Variants in GPR137B observed in about 807,000 individuals in gnomAD.
GPR137B encodes the protein G protein-coupled receptor 137B.
GPR137B carries 42 observed loss-of-function variants against 42.5 expected under a neutral mutation model. The observed-to-expected ratio is 0.99, with a 90% confidence interval of 0.77 to 1.28. GPR137B has a LOEUF of 1.28. Ranked by LOEUF, GPR137B falls within the 50% of genes most tolerant of loss-of-function variation. The pLI is 0.00. For synonymous variants in GPR137B, 218 were observed against 209.7 expected (o/e 1.04, Z -0.34); for missense variants, 487 against 493.9 (o/e 0.99, Z 0.13).
In GPR137B at chr1:236,143,075, G is replaced by A. The variant is rs371499552; in HGVS notation, c.414+39G>A. ...AGGCTCCTGGAGGCGCTCACCTGGC[G>A]GGGTGGTCCCCGCGGGGCGCCCGAG... is the stretch of plus-strand genomic sequence containing the variant. On this transcript the variant is annotated intron_variant, in intron 1 of 6. Coordinates refer to ENST00000366592, the MANE Select transcript of GPR137B (RefSeq NM_003272.4). The A allele has an allele frequency of 9.7e-6, 15 of 1,552,702 alleles. No homozygotes were observed. The African/African-American group carries it at 2.1e-4, about 21-fold the overall frequency.
intron 6 of GPR137B, among the ~76,000 whole-genome samples, chr1:236,205,540 C>T (rs919968546): frequency 1.3e-5 from 2 of 152,008 alleles, no homozygotes; most frequent in African/African-American, 4.8e-5. Flanking sequence ...AAATGATAAT[C>T]AACTTTTTTA....
intron 5 of GPR137B, among the ~76,000 whole-genome samples, chr1:236,190,519 C>G (rs1663163975): frequency 6.6e-6 from 1 of 152,152 alleles, no homozygotes; most frequent in Non-Finnish European, 1.5e-5. Context: ...TCTTGTAAGG[C>G]AGGCCTGGTG....
Position 236,205,582 on chromosome 1 carries a change from C to T in GPR137B, c.1091+332C>T, listed in dbSNP as rs558845226. Reference sequence around the variant, plus strand: ...GGAGATAGGGTCTCACTCTGTTGCCCGGCTGGAGTGCAGAGTGGTGCAATC... The same window carrying T: ...GGAGATAGGGTCTCACTCTGTTGCCTGGCTGGAGTGCAGAGTGGTGCAATC... On this transcript the variant is annotated intron_variant, in intron 6 of 6. Coordinates refer to ENST00000366592, the MANE Select transcript of GPR137B (RefSeq NM_003272.4). Among the ~76,000 whole-genome samples, 616 of 152,266 alleles carry T rather than the reference C, an allele frequency of 4.0e-3. 4 individuals are homozygous for T. Among genetic ancestry groups the T allele is most frequent in the African/African-American group, 0.013 (555 of 41,562 alleles).
chr1:236,167,511 G>A (rs2102902745), intron 1 of GPR137B, among the ~76,000 whole-genome samples: 1 of 152,314 alleles, frequency 6.6e-6, no homozygotes, highest in East Asian at 1.9e-4. Context: ...CAGGGGCTGG[G>A]GGATGAGGGG....
intron 1 of GPR137B, among the ~76,000 whole-genome samples, chr1:236,144,818 C>G (rs1558476179): frequency 6.6e-6 from 1 of 152,224 alleles, no homozygotes; most frequent in Non-Finnish European, 1.5e-5. Context: ...TATTTGTCCC[C>G]TTTTTGGGGG....
rs371587043 is a variant in GPR137B, at chr1:236,205,262, C to G, written c.1091+12C>G. On this transcript the variant is annotated intron_variant, in intron 6 of 6. Coordinates refer to ENST00000366592, the MANE Select transcript of GPR137B (RefSeq NM_003272.4). ...GGACTTCAGGGAGGGTAAGACCCTACTTCATGTTAGACAAGCCTCATCAGG... is the reference window on the plus strand; with the variant it reads ...GGACTTCAGGGAGGGTAAGACCCTAGTTCATGTTAGACAAGCCTCATCAGG... 77 of 1,608,344 alleles carry G rather than the reference C, an allele frequency of 4.8e-5. No individual in the cohort carries two copies. Among genetic ancestry groups the G allele is most frequent in the Non-Finnish European group, 6.4e-5 (75 of 1,175,624 alleles).
intron 1 of GPR137B, among the ~76,000 whole-genome samples, chr1:236,149,857 T>A (rs1661793770): frequency 6.6e-6 from 1 of 152,228 alleles, no homozygotes; most frequent in Admixed American, 6.5e-5. Context: ...CGCCTTTGTA[T>A]GTGTATGTGC....
At chr1:236,189,451 A>G (rs1419032242) in intron 5 of GPR137B, among the ~76,000 whole-genome samples, 2 of 152,100 alleles carry the variant, frequency 1.3e-5, no homozygotes, top group African/African-American at 2.4e-5. Context: ...TCTTGTGGGC[A>G]TTTTGTGCTG....
rs901613728 is a variant in GPR137B, at chr1:236,150,405, G to A, written c.414+7369G>A. Among the ~76,000 whole-genome samples the A allele has an allele frequency of 3.3e-5, 5 of 152,092 alleles. No individual in the cohort carries two copies. Among genetic ancestry groups the A allele is most frequent in the African/African-American group, 1.2e-4 (5 of 41,412 alleles). ...CGTTCACCCCCAGCACCTCCCGCAG[G>A]CCACTTTCTAAACATACAGCCCAGT... On this transcript the variant is annotated intron_variant, in intron 1 of 6. Transcript: ENST00000366592. The surrounding 1 kb of genome is among the most constrained non-coding windows in gnomAD (Gnocchi z 6.2).
At chr1:236,197,885 T>C (rs1375371120) in intron 5 of GPR137B, among the ~76,000 whole-genome samples, 1 of 152,082 alleles carries the variant, frequency 6.6e-6, no homozygotes, top group Non-Finnish European at 1.5e-5. Flanking sequence ...CATGCGCAGC[T>C]AATTTTTGTA....
chr1:236,179,836 T>G, intron 3 of GPR137B, 43 bp from the exon 4 acceptor site: 2 of 1,476,744 alleles, frequency 1.4e-6, no homozygotes, highest in Non-Finnish European at 1.8e-6. Context: ...GGCTGGTGTC[T>G]TGGACCTGGA....
chr1:236,162,361 A>G (rs1662227068), intron 1 of GPR137B, among the ~76,000 whole-genome samples: 1 of 152,252 alleles, frequency 6.6e-6, no homozygotes, highest in African/African-American at 2.4e-5. Flanking sequence ...GAACATAAAA[A>G]TTCAGAAAAT....
chr1:236,205,374 G>T (rs113079367), intron 6 of GPR137B, 124 bp downstream of exon 6: 2 of 737,496 alleles, frequency 2.7e-6, no homozygotes, highest in African/African-American at 1.7e-5. Context: ...TATAAGACTG[G>T]ATTCTCAGTA....
chr1:236,173,305 A>AG (rs1662599251), intron 2 of GPR137B, among the ~76,000 whole-genome samples: 1 of 146,590 alleles, frequency 6.8e-6, no homozygotes, highest in Admixed American at 6.8e-5. Flanking sequence ...AAAAAAAAAA[A>AG]GAAGAAAGAA....
intron 2 of GPR137B, among the ~76,000 whole-genome samples, chr1:236,174,840 C>T (rs1004705122): frequency 3.9e-5 from 6 of 151,944 alleles, no homozygotes; most frequent in African/African-American, 1.5e-4. Flanking sequence ...GAGCAAGACC[C>T]CAACTCAGAA....
chr1:236,179,536 C>T (rs1424948248), intron 3 of GPR137B, among the ~76,000 whole-genome samples: 1 of 152,138 alleles, frequency 6.6e-6, no homozygotes, highest in Non-Finnish European at 1.5e-5. Context: ...TCACCTGCTG[C>T]GTGTGGAAGC....
chr1:236,168,424 GAAA>G (rs199657686), intron 1 of GPR137B, among the ~76,000 whole-genome samples: 4 of 85,604 alleles, frequency 4.7e-5, no homozygotes, highest in Admixed American at 1.3e-4. Flanking sequence ...ATTCTGTCTC[GAAA>G]AAAAAAAAAA....
chr1:236,208,028 G>A (rs1185334430), intron 6 of GPR137B, 22 bp from the exon 7 acceptor site: 2 of 1,569,780 alleles, frequency 1.3e-6, no homozygotes, highest in Admixed American at 3.3e-5. Context: ...TCAAGTCACT[G>A]AAATATTTTT....
chr1:236,192,716 G>T (rs1663228685), intron 5 of GPR137B, among the ~76,000 whole-genome samples: 1 of 152,076 alleles, frequency 6.6e-6, no homozygotes, highest in South Asian at 2.1e-4. Context: ...ACCTCAGTTG[G>T]AAATGCAGAA....
Sources: allele counts gnomAD v4.1 joint callset (sites outside exome capture counted in the v4.1 genomes callset), GRCh38; gene constraint gnomAD v4.1.1; non-coding constraint Gnocchi (gnomAD v3.1); transcripts MANE v1.5; gene names NCBI Gene and HGNC (gene_info 2026-07-23, HGNC 2026-07-21).